Variants in CSMD1 observed in about 807,000 individuals in gnomAD.
CSMD1 encodes the protein CUB and Sushi multiple domains 1, also known as CUB and sushi domain-containing protein 1.
In CSMD1, 213 loss-of-function variants were observed where a neutral mutation model predicts 417.5. That is an observed-to-expected ratio of 0.51 (90% CI 0.46 to 0.57). The LOEUF is 0.57. Among genes scored for constraint, CSMD1 ranks in the 20% least tolerant of loss-of-function variants. CSMD1 has a pLI of 0.00. For synonymous variants in CSMD1, 2,862 were observed against 1,736.8 expected (o/e 1.65, Z -16.11); for missense variants, 6,923 against 4,529.7 (o/e 1.53, Z -15.17).
chr8:3,849,061 C>G (rs1460925138), intron 5 of CSMD1, among the ~76,000 whole-genome samples: 1 of 151,912 alleles, frequency 6.6e-6, no homozygotes, highest in Non-Finnish European at 1.5e-5. Flanking sequence ...TTTTGGCCCT[C>G]AATATACAAG....
intron 7 of CSMD1, among the ~76,000 whole-genome samples, chr8:3,641,480 G>A (rs999654416): frequency 1.3e-5 from 2 of 152,126 alleles, no homozygotes; most frequent in East Asian, 3.8e-4. Context: ...TGAAAGAACA[G>A]GTAAACACTT....
chr8:4,467,764 G>C (rs901326870), intron 2 of CSMD1, among the ~76,000 whole-genome samples: 4 of 152,120 alleles, frequency 2.6e-5, no homozygotes, highest in African/African-American at 9.7e-5. Flanking sequence ...ATTTACCGTA[G>C]AAAGCACCTT....
At chr8:4,353,457 T>G (rs1445786032) in intron 3 of CSMD1, among the ~76,000 whole-genome samples, 2 of 151,882 alleles carry the variant, frequency 1.3e-5, no homozygotes, top group African/African-American at 4.8e-5. Flanking sequence ...TTATTAGCAG[T>G]GTGAGAAAAG....
At chr8:3,558,764 A>G (rs1048615867) in intron 10 of CSMD1, among the ~76,000 whole-genome samples, 23 of 150,374 alleles carry the variant, frequency 1.5e-4, no homozygotes, top group South Asian at 1.1e-3. Flanking sequence ...TAGTGCCTCA[A>G]TAGTACCCCG....
At chr8:3,145,469 G>A (rs1479898710) in intron 40 of CSMD1, among the ~76,000 whole-genome samples, 1 of 152,124 alleles carries the variant, frequency 6.6e-6, no homozygotes, top group Admixed American at 6.5e-5. Context: ...CGTCTCAAAA[G>A]TACAGGATCT....
chr8:3,812,239 G>T (rs946184871), intron 5 of CSMD1, among the ~76,000 whole-genome samples: 2 of 152,094 alleles, frequency 1.3e-5, no homozygotes, highest in African/African-American at 4.8e-5. Context: ...ACAGGAAAGG[G>T]AACTTCACAA....
chr8:4,307,902 C>T (rs1029380965), intron 3 of CSMD1, among the ~76,000 whole-genome samples: 4 of 152,096 alleles, frequency 2.6e-5, no homozygotes, highest in African/African-American at 9.7e-5. Context: ...GCAGCAGAGG[C>T]ACGTTTTTAG....
At chr8:4,464,302 G>T (rs552364438) in intron 2 of CSMD1, among the ~76,000 whole-genome samples, 1 of 151,898 alleles carries the variant, frequency 6.6e-6, no homozygotes, top group Non-Finnish European at 1.5e-5. Context: ...GCATGCAATG[G>T]ACAGACGCTC....
Position 4,244,845 on chromosome 8 carries a change from T to G in CSMD1, c.415+175108A>C, listed in dbSNP as rs2128825217. 1.3e-5 allele frequency among the ~76,000 whole-genome samples: 2 copies of G among 152,316 alleles called. 1 individual carries two copies. The highest frequency in any genetic ancestry group is 4.1e-4 in the South Asian group (2 of 4,830). On this transcript the variant is annotated intron_variant, in intron 3 of 69. Transcript: ENST00000635120. Reference sequence around the variant, plus strand: ...TGTATATGTTCTGACCTCCTTCTGGTGTCATTGTAACAAGATCCCCTAGGG... The same window carrying G: ...TGTATATGTTCTGACCTCCTTCTGGGGTCATTGTAACAAGATCCCCTAGGG...
intron 5 of CSMD1, among the ~76,000 whole-genome samples, chr8:3,793,658 C>A (rs1241912715): frequency 6.6e-6 from 1 of 152,092 alleles, no homozygotes; most frequent in Admixed American, 6.6e-5. Context: ...GATGATCTCT[C>A]AGCATTTGTA....
chr8:4,167,267 C>G (rs1274448566), intron 3 of CSMD1, among the ~76,000 whole-genome samples: 1 of 151,958 alleles, frequency 6.6e-6, no homozygotes, highest in Non-Finnish European at 1.5e-5. Flanking sequence ...AACAGTTTTT[C>G]CTTGCAGTTT....
intron 3 of CSMD1, among the ~76,000 whole-genome samples, chr8:4,197,387 T>C (rs1343419969): frequency 6.6e-6 from 1 of 152,304 alleles, no homozygotes; most frequent in East Asian, 1.9e-4. Flanking sequence ...GGTGGTGTTT[T>C]TACATAAGAT....
intron 12 of CSMD1, among the ~76,000 whole-genome samples, chr8:3,412,806 T>C (rs979679173): frequency 1.3e-5 from 2 of 152,202 alleles, no homozygotes; most frequent in African/African-American, 4.8e-5. Context: ...TGGATTTACT[T>C]AAATTTAATG....
At chr8:3,204,948 A>T (rs530906820) in intron 31 of CSMD1, among the ~76,000 whole-genome samples, 1 of 152,298 alleles carries the variant, frequency 6.6e-6, no homozygotes, top group East Asian at 1.9e-4. Flanking sequence ...TCTGGAAATG[A>T]AGTCATTTTG....
chr8:4,485,472 G>A (rs1208334859), intron 2 of CSMD1, among the ~76,000 whole-genome samples: 1 of 152,148 alleles, frequency 6.6e-6, no homozygotes, highest in Non-Finnish European at 1.5e-5. Flanking sequence ...ATATGTGTCT[G>A]GGCTGGGCAG....
chr8:4,560,997 A>C (rs1053971719), intron 2 of CSMD1, among the ~76,000 whole-genome samples: 1 of 152,260 alleles, frequency 6.6e-6, no homozygotes, highest in Non-Finnish European at 1.5e-5. Context: ...CAAGTCTTAC[A>C]CAGTGCTTTG....
rs557707089 is a variant in CSMD1 at position 3,720,405 on chromosome 8, C to A, written c.932-11914G>T. Among the ~76,000 whole-genome samples the A allele has an allele frequency of 6.6e-5, 10 of 152,308 alleles. No homozygotes were observed. In the South Asian group the frequency reaches 2.1e-3, roughly 32 times the overall value. ...ATGGGAATAATAAAAGCTGTCCAGG[C>A]ACAACAACCTCACTGTAAACTATTT... On this transcript the variant is annotated intron_variant, in intron 6 of 69. Transcript: ENST00000635120.
intron 41 of CSMD1, 86 bp downstream of exon 41, chr8:3,142,379 C>G: frequency 8.5e-7 from 1 of 1,174,324 alleles, no homozygotes; most frequent in South Asian, 1.4e-5. Context: ...AGCTTGGAAC[C>G]AGTTAGGGAG....
chr8:3,676,904 C>T (rs944718494), intron 7 of CSMD1, among the ~76,000 whole-genome samples: 3 of 151,804 alleles, frequency 2.0e-5, no homozygotes, highest in Admixed American at 2.0e-4. Context: ...AACACAAGAA[C>T]AGAAAACCAA....
Sources: gnomAD v4.1 joint callset for allele counts (sites outside exome capture counted in the v4.1 genomes callset) on GRCh38, gnomAD v4.1.1 for gene constraint, MANE v1.5 for transcripts, NCBI Gene and HGNC (gene_info 2026-07-23, HGNC 2026-07-21) for gene names.